CYRIA: variants seen among roughly 807,000 people sequenced by gnomAD.
CYRIA encodes CYFIP-related Rac1 interactor A.
Under a neutral mutation model 43.9 loss-of-function variants are expected in CYRIA, and 15 were observed. The ratio of observed to expected loss-of-function variants is 0.34; its 90% CI spans 0.23 to 0.53. The LOEUF (loss-of-function observed/expected upper bound fraction) is 0.53. CYRIA is among the 20% of genes least tolerant of loss of function. The pLI is 0.94. For missense variants in CYRIA, 236 were observed against 394.2 expected, an observed-to-expected ratio of 0.60 and a Z score of 3.40; for synonymous variants, 117 against 136.0, an observed-to-expected ratio of 0.86 and a Z score of 0.97.
chr2:16,624,327 C>T (rs1332012953), intron 1 of CYRIA, among the ~76,000 whole-genome samples: 2 of 152,224 alleles, frequency 1.3e-5, no homozygotes, highest in African/African-American at 2.4e-5. Flanking sequence ...ACTTCTCAAA[C>T]AAGTGGTCAT....
chr2:16,662,827 C>T (rs577360824), intron 1 of CYRIA, among the ~76,000 whole-genome samples: 2 of 152,302 alleles, frequency 1.3e-5, no homozygotes, highest in South Asian at 2.1e-4. Flanking sequence ...CACCTCTGGG[C>T]CCTACATCAG....
At chr2:16,561,681 G>T in intron 6 of CYRIA, 148 bp from the exon 7 acceptor site, 1 of 666,982 alleles carries the variant, frequency 1.5e-6, no homozygotes, top group South Asian at 1.9e-5. Flanking sequence ...TTAGAAATAA[G>T]GACCCACAAC....
At chr2:16,616,392 G>C (rs187794096) in intron 2 of CYRIA, among the ~76,000 whole-genome samples, 224 of 152,158 alleles carry the variant, frequency 1.5e-3, no homozygotes, top group African/African-American at 5.2e-3. Context: ...CCTTCCCTAC[G>C]TCACCCTTTG....
At chr2:16,642,145 T>C (rs1213988460) in intron 1 of CYRIA, among the ~76,000 whole-genome samples, 2 of 152,176 alleles carry the variant, frequency 1.3e-5, no homozygotes, top group Non-Finnish European at 2.9e-5. Flanking sequence ...ATATCATCTC[T>C]ATTTTGATAA....
At chr2:16,605,560 A>G (rs1379356000) in intron 2 of CYRIA, among the ~76,000 whole-genome samples, 1 of 152,202 alleles carries the variant, frequency 6.6e-6, no homozygotes, top group Non-Finnish European at 1.5e-5. Flanking sequence ...AAGGTACCCC[A>G]TGCAGGGCAA....
chr2:16,577,548 T>G (rs561936789), intron 3 of CYRIA, among the ~76,000 whole-genome samples: 1 of 152,294 alleles, frequency 6.6e-6, no homozygotes, highest in Admixed American at 6.5e-5. Flanking sequence ...CTAGGAGATA[T>G]GACACCACAG....
At chr2:16,647,463 T>C (rs908584911) in intron 1 of CYRIA, among the ~76,000 whole-genome samples, 2 of 152,196 alleles carry the variant, frequency 1.3e-5, no homozygotes, top group South Asian at 4.1e-4. Flanking sequence ...TTCTCATCTG[T>C]ACCAGCTGCT....
rs570423362 is a variant in CYRIA at position 16,591,222 on chromosome 2, T to C, written c.-10-3093A>G. 2.6e-5 allele frequency among the ~76,000 whole-genome samples: 4 copies of C among 152,238 alleles called. No individual in the cohort carries two copies. In the South Asian group the frequency reaches 8.3e-4, roughly 32 times the overall value. The stretch of plus-strand genomic sequence containing the variant: ...ACTATTAGAGAATGCAAATAAATAA[T>C]GGAAGTAGGGAGAGTAGGAGAGTAA... On this transcript the variant is annotated intron_variant, in intron 2 of 11. Transcript: ENST00000381323.
intron 1 of CYRIA, among the ~76,000 whole-genome samples, 155 bp downstream of exon 1, chr2:16,665,625 C>T (rs188882885): frequency 2.6e-5 from 4 of 151,550 alleles, no homozygotes; most frequent in Non-Finnish European, 5.9e-5. Context: ...CTCTCCCTCC[C>T]TCCCAAAGGC....
At chr2:16,660,478 T>C (rs1484812019) in intron 1 of CYRIA, among the ~76,000 whole-genome samples, 2 of 152,208 alleles carry the variant, frequency 1.3e-5, no homozygotes, top group Admixed American at 1.3e-4. Context: ...CACACTGCAC[T>C]TTGTAAAACA....
chr2:16,660,611 C>G (rs1340097789), intron 1 of CYRIA, among the ~76,000 whole-genome samples: 1 of 152,186 alleles, frequency 6.6e-6, no homozygotes, highest in Non-Finnish European at 1.5e-5. Flanking sequence ...GAGCAAGAAC[C>G]CACCCCGTAC....
At chr2:16,615,737 T>A (rs1668760448) in intron 2 of CYRIA, among the ~76,000 whole-genome samples, 1 of 152,228 alleles carries the variant, frequency 6.6e-6, no homozygotes, top group Non-Finnish European at 1.5e-5. Context: ...CTAAATGCAA[T>A]GCAAAAGCAG....
At chr2:16,629,493 G>A (rs2103518961) in intron 1 of CYRIA, among the ~76,000 whole-genome samples, 1 of 152,338 alleles carries the variant, frequency 6.6e-6, no homozygotes, top group South Asian at 2.1e-4. Flanking sequence ...AGAAAGCAGA[G>A]GGCATTTGTC....
chr2:16,602,198 T>C (rs754962492), intron 2 of CYRIA, among the ~76,000 whole-genome samples: 1 of 152,228 alleles, frequency 6.6e-6, no homozygotes, highest in African/African-American at 2.4e-5. Flanking sequence ...CTCTAACAGA[T>C]AAGAAGACCT....
intron 3 of CYRIA, among the ~76,000 whole-genome samples, chr2:16,574,321 T>G (rs547223059): frequency 3.1e-4 from 47 of 152,316 alleles, no homozygotes; most frequent in African/African-American, 1.1e-3. Flanking sequence ...CATTCAGTTT[T>G]AAATGGAAAA....
intron 1 of CYRIA, among the ~76,000 whole-genome samples, chr2:16,629,447 C>A (rs969717173): frequency 6.6e-6 from 1 of 152,216 alleles, no homozygotes; most frequent in African/African-American, 2.4e-5. Flanking sequence ...TCTTAACAAA[C>A]TCTCCCATCA....
intron 9 of CYRIA, chr2:16,560,748 G>GCC (rs1666695841): frequency 1.9e-6 from 1 of 534,316 alleles, no homozygotes; most frequent in East Asian, 3.2e-5. Flanking sequence ...CCTTGGTTCT[G>GCC]CCACCTGACA....
chr2:16,564,669 C>T lies in CYRIA; in HGVS notation c.193-575G>A, dbSNP rs556283328. Among the ~76,000 whole-genome samples, 259 of 151,692 alleles carry T rather than the reference C, an allele frequency of 1.7e-3. 2 individuals are homozygous for T. Among genetic ancestry groups the T allele is most frequent in the Non-Finnish European group, 3.2e-3 (215 of 67,888 alleles). On this transcript the variant is annotated intron_variant, in intron 4 of 11. Coordinates refer to ENST00000381323, the MANE Select transcript of CYRIA (RefSeq NM_030797.4). ...AGTGGCAGTACTGTGTGCATGTGTG[C>T]GTATGTGTGTGTGTGTATGTGTGTA... is the stretch of plus-strand genomic sequence containing the variant.
chr2:16,556,092 T>C (rs1406676928), intron 10 of CYRIA, among the ~76,000 whole-genome samples: 1 of 152,116 alleles, frequency 6.6e-6, no homozygotes, highest in Non-Finnish European at 1.5e-5. Flanking sequence ...TCATATGCTG[T>C]TATATATTGG....
Sources: gnomAD v4.1 joint callset for allele counts (sites outside exome capture counted in the v4.1 genomes callset) on GRCh38, gnomAD v4.1.1 for gene constraint, MANE v1.5 for transcripts, NCBI Gene and HGNC (gene_info 2026-07-23, HGNC 2026-07-21) for gene names.